Variants in NAA11 observed in about 807,000 individuals in gnomAD.
NAA11 encodes N-alpha-acetyltransferase 11.
NAA11 carries 15 observed loss-of-function variants against 16.1 expected under a neutral mutation model. That is an observed-to-expected ratio of 0.93 (90% confidence interval 0.62 to 1.44). NAA11 has a LOEUF of 1.44. Ranked by LOEUF, NAA11 falls within the 40% of genes most tolerant of loss-of-function variation. NAA11 has a pLI of 0.00. For missense variants in NAA11, 298 were observed against 291.3 expected (o/e 1.02, Z -0.17); for synonymous variants, 122 against 112.4 (o/e 1.09, Z -0.54).
intron 2 of NAA11, among the ~76,000 whole-genome samples, chr4:79,287,798 C>A (rs1376739503): frequency 6.6e-6 from 1 of 152,106 alleles, no homozygotes; most frequent in African/African-American, 2.4e-5. Context: ...GCTGAAGTGA[C>A]AACTAAATAG....
chr4:79,313,617 G>A (rs762761189), downstream of NAA11, among the ~76,000 whole-genome samples: 5 of 152,132 alleles, frequency 3.3e-5, no homozygotes, highest in Middle Eastern at 3.2e-3. Context: ...TTCACAAAAC[G>A]TAATTCCCAC....
chr4:79,272,743 T>C (rs548869658), intron 2 of NAA11, among the ~76,000 whole-genome samples: 27 of 152,122 alleles, frequency 1.8e-4, no homozygotes, highest in Middle Eastern at 6.8e-3. Flanking sequence ...TTACTAATTG[T>C]TACTTAACAT....
intron 1 of NAA11, among the ~76,000 whole-genome samples, chr4:79,321,208 C>G (rs1724079096): frequency 6.6e-6 from 1 of 152,180 alleles, no homozygotes; most frequent in Admixed American, 6.5e-5. Flanking sequence ...GCTGTATGAT[C>G]CCATTGCTTC....
At chr4:79,180,790 C>T in the NAA11 span, among the ~76,000 whole-genome samples, 15 of 152,062 alleles carry the variant, frequency 9.9e-5, no homozygotes, top group Admixed American at 2.6e-4. Flanking sequence ...CGTATGTTTA[C>T]TGCGGCACTA....
intron 1 of NAA11, among the ~76,000 whole-genome samples, chr4:79,305,625 G>A (rs1222347746): frequency 6.6e-6 from 1 of 152,184 alleles, no homozygotes; most frequent in East Asian, 1.9e-4. Context: ...GAAGCAGTGA[G>A]ATGGGGAAGC....
the NAA11 span, among the ~76,000 whole-genome samples, chr4:79,207,207 T>C: frequency 6.6e-6 from 1 of 151,934 alleles, no homozygotes; most frequent in Non-Finnish European, 1.5e-5. Context: ...TCTTGCCTGA[T>C]TGCTCTGGCT....
chr4:79,282,372 G>A (rs1288936457), intron 2 of NAA11, among the ~76,000 whole-genome samples: 1 of 151,990 alleles, frequency 6.6e-6, no homozygotes, highest in African/African-American at 2.4e-5. Context: ...CTGTGAAAAA[G>A]GAATTATAGC....
the NAA11 span, among the ~76,000 whole-genome samples, chr4:79,190,856 T>C: frequency 2.0e-5 from 3 of 152,104 alleles, no homozygotes; most frequent in Non-Finnish European, 2.9e-5. Flanking sequence ...CAGTGTCTGT[T>C]GTTTCTTTCT....
At chr4:79,309,676 T>C (rs115129225) in intron 1 of NAA11, among the ~76,000 whole-genome samples, 26 of 151,586 alleles carry the variant, frequency 1.7e-4, no homozygotes, top group Non-Finnish European at 3.7e-4. Context: ...ATTTATTGTT[T>C]GAAAAGAATT....
intron 2 of NAA11, among the ~76,000 whole-genome samples, chr4:79,253,881 A>G (rs1307545426): frequency 1.3e-5 from 2 of 152,250 alleles, no homozygotes; most frequent in African/African-American, 4.8e-5. Context: ...GTCAAAATAG[A>G]TGAGCTTTCT....
intron 2 of NAA11, among the ~76,000 whole-genome samples, chr4:79,267,159 G>A (rs1014735473): frequency 3.3e-5 from 5 of 152,108 alleles, no homozygotes; most frequent in East Asian, 1.9e-4. Flanking sequence ...ATTCATTTAC[G>A]TAGTTTGATG....
At chr4:79,198,254 T>G in the NAA11 span, among the ~76,000 whole-genome samples, 1 of 151,880 alleles carries the variant, frequency 6.6e-6, no homozygotes, top group Non-Finnish European at 1.5e-5. Flanking sequence ...GCCTCCTTCG[T>G]GGGCAGAACC....
chr4:79,164,424 C>A, the NAA11 span, among the ~76,000 whole-genome samples: 1 of 152,206 alleles, frequency 6.6e-6, no homozygotes, highest in African/African-American at 2.4e-5. Context: ...CTTGAGCAGA[C>A]AAACATTGAG....
At chr4:79,197,840 A>G in the NAA11 span, among the ~76,000 whole-genome samples, 1 of 151,968 alleles carries the variant, frequency 6.6e-6, no homozygotes, top group Admixed American at 6.6e-5. Flanking sequence ...TCTTGCTGGG[A>G]GAATCAAGGA....
chr4:79,225,604 A>G (rs1721291178), downstream of NAA11: 1 of 152,120 alleles, frequency 6.6e-6, no homozygotes, highest in African/African-American at 2.4e-5. Flanking sequence ...ACTTAAAATT[A>G]TGGGTTTAAG....
At chr4:79,208,925 C>CAAAAAAAAAAAAAAAAAAAAAAAA in the NAA11 span, among the ~76,000 whole-genome samples, 1 of 53,970 alleles carries the variant, frequency 1.9e-5, no homozygotes, top group Non-Finnish European at 3.6e-5. Context: ...ATATAACTGC[C>CAAAAAAAAAAAAAAAAAAAAAAAA]AAAAAAAAAA....
chr4:79,266,082 C>T (rs1722337651), intron 2 of NAA11, among the ~76,000 whole-genome samples: 1 of 152,260 alleles, frequency 6.6e-6, no homozygotes. Context: ...ACACATAACT[C>T]TCTCCCACCC....
At chr4:79,216,018 C>T in the NAA11 span, among the ~76,000 whole-genome samples, 1 of 152,122 alleles carries the variant, frequency 6.6e-6, no homozygotes, top group African/African-American at 2.4e-5. Flanking sequence ...ACATGTATTT[C>T]ATTCTCTTAA....
the NAA11 span, among the ~76,000 whole-genome samples, chr4:79,160,244 G>A: frequency 2.0e-5 from 3 of 152,160 alleles, no homozygotes; most frequent in South Asian, 2.1e-4. Context: ...CAGCCGCCTC[G>A]GCCTCCCAAA....
Sources: allele counts gnomAD v4.1 joint callset (sites outside exome capture counted in the v4.1 genomes callset), GRCh38; gene constraint gnomAD v4.1.1; transcripts MANE v1.5; gene names NCBI Gene and HGNC (gene_info 2026-07-23, HGNC 2026-07-21).